Variants in XKR6 observed in about 807,000 individuals in gnomAD.
XKR6 encodes the protein XK-related protein 6.
XKR6 carries 22 observed loss-of-function variants against 56.7 expected under a neutral mutation model. The observed-to-expected ratio is 0.39, with a 90% CI of 0.28 to 0.55. The LOEUF (loss-of-function observed/expected upper bound fraction) is 0.55. Among genes scored for constraint, XKR6 ranks in the 20% least tolerant of loss-of-function variants. The probability of loss-of-function intolerance (pLI) is 0.66; values close to 1 mark genes in which losing one functional copy is unlikely to be tolerated. For missense variants in XKR6, 852 were observed against 889.0 expected (o/e 0.96, Z 0.53); for synonymous variants, 524 against 387.8 (o/e 1.35, Z -4.13).
At chr8:11,015,961 C>A (rs1161790068) in intron 1 of XKR6, among the ~76,000 whole-genome samples, 1 of 152,142 alleles carries the variant, frequency 6.6e-6, no homozygotes, top group Admixed American at 6.5e-5. Flanking sequence ...TGCAGGCGGG[C>A]TCCATGAGGG....
At chr8:11,140,921 C>T (rs1800665243) in intron 1 of XKR6, among the ~76,000 whole-genome samples, 1 of 145,122 alleles carries the variant, frequency 6.9e-6, no homozygotes, top group Admixed American at 6.8e-5. Context: ...AAAAAACCTT[C>T]CTGAGAAACC....
intron 1 of XKR6, among the ~76,000 whole-genome samples, chr8:10,976,602 G>A (rs547165517): frequency 6.6e-6 from 1 of 152,158 alleles, no homozygotes; most frequent in African/African-American, 2.4e-5. Context: ...GTCACAGGAG[G>A]GTGAGAAAGA....
chr8:11,063,654 G>A (rs6993779), intron 1 of XKR6, among the ~76,000 whole-genome samples: 42,377 of 152,124 alleles, frequency 0.28, 6,093 homozygotes, highest in Middle Eastern at 0.37. Context: ...GGGTAGGGGA[G>A]GTACCAGTAA....
chr8:11,150,360 T>C lies in XKR6; in HGVS notation c.764+50216A>G, dbSNP rs549385168. Among the ~76,000 whole-genome samples, 12 of 152,300 alleles carry C rather than the reference T, an allele frequency of 7.9e-5. No homozygotes were observed. In the South Asian group the frequency reaches 2.5e-3, roughly 32 times the overall value. On this transcript the variant is annotated intron_variant, in intron 1 of 2. Coordinates refer to ENST00000416569, the MANE Select transcript of XKR6 (RefSeq NM_173683.4). ...ATGTACCCCATGAATATGTAAAATA[T>C]CATGTATCAATTTTTAAAACCCACT...
intron 1 of XKR6, among the ~76,000 whole-genome samples, chr8:11,118,336 G>A (rs10090120): frequency 6.6e-6 from 1 of 152,180 alleles, no homozygotes; most frequent in Non-Finnish European, 1.5e-5. Context: ...ATGAGTTAGG[G>A]AGGATTCCCT....
chr8:10,952,457 T>G (rs981954083), intron 1 of XKR6, among the ~76,000 whole-genome samples: 1 of 152,188 alleles, frequency 6.6e-6, no homozygotes, highest in Non-Finnish European at 1.5e-5. Context: ...ATTTGTTTTT[T>G]CTTTTCTTTT....
intron 1 of XKR6, among the ~76,000 whole-genome samples, chr8:10,997,761 G>A (rs894521541): frequency 2.6e-5 from 4 of 152,114 alleles, no homozygotes; most frequent in African/African-American, 9.7e-5. Context: ...AGACAAGGAA[G>A]GAGCAGGAGC....
chr8:10,939,384 C>T (rs537002314), intron 1 of XKR6, among the ~76,000 whole-genome samples: 4 of 152,180 alleles, frequency 2.6e-5, no homozygotes, highest in Non-Finnish European at 4.4e-5. Context: ...CCCAAGGCTA[C>T]GCTGACCTGC....
chr8:11,084,630 T>TC (rs1012147190), intron 1 of XKR6, among the ~76,000 whole-genome samples: 1 of 152,224 alleles, frequency 6.6e-6, no homozygotes, highest in Non-Finnish European at 1.5e-5. Flanking sequence ...CTGGTGCATT[T>TC]CTTATTCAGT....
chr8:11,053,199 T>G (rs1442093389), intron 1 of XKR6, among the ~76,000 whole-genome samples: 1 of 152,214 alleles, frequency 6.6e-6, no homozygotes, highest in African/African-American at 2.4e-5. Context: ...GAGGAATCAC[T>G]TCCTCATCCA....
chr8:11,176,806 TG>T (rs1802679481), intron 1 of XKR6, among the ~76,000 whole-genome samples: 1 of 152,232 alleles, frequency 6.6e-6, no homozygotes, highest in South Asian at 2.1e-4. Flanking sequence ...AGACCTCCTC[TG>T]GCTGTCTTCC....
chr8:11,071,199 G>A (rs549662627), intron 1 of XKR6, among the ~76,000 whole-genome samples: 39 of 152,198 alleles, frequency 2.6e-4, no homozygotes, highest in Non-Finnish European at 4.6e-4. Context: ...CCTCACGGGT[G>A]TGTGGTCATT....
At chr8:11,042,721 G>A (rs1433789809) in intron 1 of XKR6, among the ~76,000 whole-genome samples, 1 of 152,222 alleles carries the variant, frequency 6.6e-6, no homozygotes, top group Non-Finnish European at 1.5e-5. Flanking sequence ...CATCATGTGG[G>A]TGCTCAAAAA....
intron 1 of XKR6, chr8:11,112,017 T>C (rs1431499998): frequency 1.3e-5 from 2 of 152,252 alleles, no homozygotes; most frequent in Non-Finnish European, 1.5e-5. Flanking sequence ...CTTACCATTA[T>C]AAGCTCTTAA....
chr8:10,940,920 G>T (rs1051775790), intron 1 of XKR6, among the ~76,000 whole-genome samples: 6 of 152,186 alleles, frequency 3.9e-5, no homozygotes, highest in African/African-American at 1.4e-4. Flanking sequence ...CTTGCCATCA[G>T]CTCCAGGCTT....
At chr8:11,038,985 C>T (rs1205809941) in intron 1 of XKR6, among the ~76,000 whole-genome samples, 1 of 152,190 alleles carries the variant, frequency 6.6e-6, no homozygotes, top group East Asian at 1.9e-4. Flanking sequence ...CAGTTGTCGA[C>T]GCCACCCCCA....
At chr8:10,946,613 A>G (rs563149425) in intron 1 of XKR6, among the ~76,000 whole-genome samples, 1 of 151,904 alleles carries the variant, frequency 6.6e-6, no homozygotes, top group East Asian at 1.9e-4. Flanking sequence ...CCCCTTTATG[A>G]CATTCCTGAG....
chr8:10,915,441 T>G (rs537801304), intron 2 of XKR6, among the ~76,000 whole-genome samples: 1 of 152,230 alleles, frequency 6.6e-6, no homozygotes, highest in East Asian at 1.9e-4. Context: ...CATTTCCAAG[T>G]CCCGAGTTGC....
chr8:10,916,965 C>T (rs983520728), intron 2 of XKR6, among the ~76,000 whole-genome samples: 1 of 152,046 alleles, frequency 6.6e-6, no homozygotes, highest in Non-Finnish European at 1.5e-5. Context: ...TGAAGAGACA[C>T]AAAGATCCCT....
Sources: allele counts gnomAD v4.1 joint callset (sites outside exome capture counted in the v4.1 genomes callset), GRCh38; gene constraint gnomAD v4.1.1; transcripts MANE v1.5; gene names NCBI Gene and HGNC (gene_info 2026-07-23, HGNC 2026-07-21).